Variants in STAG1 observed in about 807,000 individuals in gnomAD.
STAG1 encodes cohesin subunit SA-1.
A neutral mutation model predicts 170.9 loss-of-function variants in STAG1; 26 were observed. The ratio of observed to expected loss-of-function variants is 0.15; its 90% CI spans 0.11 to 0.21. STAG1 has a LOEUF of 0.21. Ranked by LOEUF, STAG1 falls within the 10% of genes least tolerant of loss-of-function variation. STAG1 has a pLI of 1.00. For missense variants in STAG1, 964 were observed against 1,509.5 expected, an observed-to-expected ratio of 0.64 and a Z score of 5.99; for synonymous variants, 514 against 497.7, an observed-to-expected ratio of 1.03 and a Z score of -0.44.
At chr3:136,542,887 CAA>C (rs1020027663) in intron 5 of STAG1, among the ~76,000 whole-genome samples, 4 of 151,914 alleles carry the variant, frequency 2.6e-5, no homozygotes, top group Non-Finnish European at 4.4e-5. Flanking sequence ...TAGCAACTTG[CAA>C]AAAAAGTTTC....
At chr3:136,663,814 C>A (rs1402863648) in intron 1 of STAG1, among the ~76,000 whole-genome samples, 1 of 151,862 alleles carries the variant, frequency 6.6e-6, no homozygotes, top group Non-Finnish European at 1.5e-5. Flanking sequence ...GAAAAAAACT[C>A]CACTCTCAGA....
chr3:136,376,389 C>T (rs553976696), intron 23 of STAG1, among the ~76,000 whole-genome samples: 5 of 152,306 alleles, frequency 3.3e-5, no homozygotes, highest in Non-Finnish European at 7.4e-5. Flanking sequence ...CCCTGACCCC[C>T]ACCCTGACCC....
intron 16 of STAG1, 32 bp downstream of exon 16, chr3:136,433,524 C>A (rs978975197): frequency 6.6e-7 from 1 of 1,524,870 alleles, no homozygotes; most frequent in Non-Finnish European, 9.0e-7. Flanking sequence ...CATTAAAAAC[C>A]TTTTAGGAGA....
At chr3:136,637,490 T>G (rs1402289056) in intron 1 of STAG1, among the ~76,000 whole-genome samples, 1 of 152,250 alleles carries the variant, frequency 6.6e-6, no homozygotes, top group Non-Finnish European at 1.5e-5. Context: ...ATCATTATTC[T>G]GCTCTTTCTC....
intron 2 of STAG1, among the ~76,000 whole-genome samples, chr3:136,627,544 T>C (rs1427881013): frequency 4.6e-5 from 7 of 152,232 alleles, no homozygotes; most frequent in African/African-American, 1.4e-4. Context: ...TCCTTATCAA[T>C]GAGCACTTAG....
At chr3:136,504,546 A>G (rs1933656877) in intron 7 of STAG1, among the ~76,000 whole-genome samples, 1 of 152,246 alleles carries the variant, frequency 6.6e-6, no homozygotes, top group Non-Finnish European at 1.5e-5. Flanking sequence ...ATTAAACTGT[A>G]TAAGGAAAGA....
intron 31 of STAG1, among the ~76,000 whole-genome samples, chr3:136,340,828 C>G (rs1196131712): frequency 6.6e-6 from 1 of 152,160 alleles, no homozygotes; most frequent in Non-Finnish European, 1.5e-5. Flanking sequence ...TCAATAATAA[C>G]GGTTGTTAAC....
At chr3:136,402,359 A>G (rs1256225684) in intron 21 of STAG1, among the ~76,000 whole-genome samples, 1 of 151,726 alleles carries the variant, frequency 6.6e-6, no homozygotes, top group African/African-American at 2.4e-5. Context: ...CTGGGACTAC[A>G]GGTGCGTGCC....
chr3:136,745,408 T>C (rs1934884260), intron 1 of STAG1, among the ~76,000 whole-genome samples: 1 of 152,162 alleles, frequency 6.6e-6, no homozygotes, highest in Non-Finnish European at 1.5e-5. Flanking sequence ...CCCAACGTTT[T>C]TGGTACCAGG....
intron 7 of STAG1, among the ~76,000 whole-genome samples, chr3:136,507,117 G>C (rs1933807680): frequency 1.3e-5 from 2 of 152,208 alleles, no homozygotes; most frequent in Admixed American, 1.3e-4. Context: ...GCACAGATCA[G>C]CTAAAAGACT....
At chr3:136,577,807 A>T (rs893807513) in intron 4 of STAG1, among the ~76,000 whole-genome samples, 2 of 152,236 alleles carry the variant, frequency 1.3e-5, no homozygotes, top group Non-Finnish European at 2.9e-5. Context: ...TTACCAAAGG[A>T]GGTGGTATAA....
chr3:136,434,378 G>T (rs1041759626), intron 15 of STAG1, among the ~76,000 whole-genome samples: 3 of 151,990 alleles, frequency 2.0e-5, no homozygotes, highest in Admixed American at 6.6e-5. Context: ...TTTAATTTTT[G>T]CCAGTCCAAT....
At chr3:136,657,216 T>TTG (rs1491038143) in intron 1 of STAG1, among the ~76,000 whole-genome samples, 1 of 94,754 alleles carries the variant, frequency 1.1e-5, no homozygotes, top group Non-Finnish European at 2.1e-5. Context: ...TTTTTTTTTT[T>TTG]GAGACAAAGT....
chr3:136,701,347 C>T (rs1197810209), intron 1 of STAG1, among the ~76,000 whole-genome samples: 4 of 152,024 alleles, frequency 2.6e-5, no homozygotes, highest in Non-Finnish European at 5.9e-5. Flanking sequence ...GACCTTTTTG[C>T]TTCTTGATTA....
chr3:136,524,375 C>T (rs1934876325), intron 6 of STAG1, among the ~76,000 whole-genome samples: 1 of 152,096 alleles, frequency 6.6e-6, no homozygotes, highest in Admixed American at 6.5e-5. Flanking sequence ...TGGGAGTTCA[C>T]TCATGATTTG....
At chr3:136,535,070 A>C (rs1309971600) in intron 6 of STAG1, among the ~76,000 whole-genome samples, 1 of 152,264 alleles carries the variant, frequency 6.6e-6, no homozygotes, top group Non-Finnish European at 1.5e-5. Context: ...TTGGTTATAA[A>C]AAATTAAAGT....
chr3:136,360,844 A>G (rs537305395), intron 26 of STAG1, among the ~76,000 whole-genome samples: 1 of 151,908 alleles, frequency 6.6e-6, no homozygotes, highest in South Asian at 2.1e-4. Flanking sequence ...AATTTTTTGT[A>G]TTTTTAGTAG....
chr3:136,469,819 C>G (rs528508213), intron 12 of STAG1, among the ~76,000 whole-genome samples: 17 of 151,886 alleles, frequency 1.1e-4, no homozygotes, highest in Admixed American at 3.9e-4. Flanking sequence ...AGAGCCCTCA[C>G]AAATAATATC....
At chr3:136,415,023 C>T (rs1452141673) in intron 21 of STAG1, among the ~76,000 whole-genome samples, 1 of 152,088 alleles carries the variant, frequency 6.6e-6, no homozygotes, top group African/African-American at 2.4e-5. Flanking sequence ...TGCCCCAAAA[C>T]AATTACAATA....
Sources: gnomAD v4.1 joint callset for allele counts (sites outside exome capture counted in the v4.1 genomes callset) on GRCh38, gnomAD v4.1.1 for gene constraint, MANE v1.5 for transcripts, NCBI Gene and HGNC (gene_info 2026-07-23, HGNC 2026-07-21) for gene names.